Variants in CMC1 observed in about 807,000 individuals in gnomAD.
The protein encoded by CMC1 is C-X9-C motif containing 1, also known as COX assembly mitochondrial protein homolog.
CMC1 carries 14 observed loss-of-function variants against 14.1 expected under a neutral mutation model. The ratio of observed to expected loss-of-function variants is 0.99; its 90% confidence interval spans 0.66 to 1.55. The LOEUF is 1.55. CMC1 is among the 40% of genes most tolerant of loss of function. CMC1 has a pLI of 0.00. For missense variants in CMC1, 127 were observed against 123.8 expected, an observed-to-expected ratio of 1.03 and a Z score of -0.12; for synonymous variants, 50 against 38.4, an observed-to-expected ratio of 1.30 and a Z score of -1.12.
At chr3:28,276,857 A>G (rs1700613404) in intron 2 of CMC1, among the ~76,000 whole-genome samples, 1 of 152,232 alleles carries the variant, frequency 6.6e-6, no homozygotes, top group African/African-American at 2.4e-5. Flanking sequence ...ACCAGTTATT[A>G]ATAGCCCGTT....
At chr3:28,310,209 C>T (rs1702569014) in intron 2 of CMC1, among the ~76,000 whole-genome samples, 1 of 152,184 alleles carries the variant, frequency 6.6e-6, no homozygotes, top group African/African-American at 2.4e-5. Flanking sequence ...ATAGCACCCT[C>T]CCTGCCCAGA....
chr3:28,259,229 C>A (rs1439529959), intron 1 of CMC1, among the ~76,000 whole-genome samples: 6 of 151,844 alleles, frequency 4.0e-5, no homozygotes, highest in African/African-American at 1.5e-4. Context: ...CCTAATGATG[C>A]TATCTTACAT....
intron 1 of CMC1, among the ~76,000 whole-genome samples, chr3:28,246,133 G>T (rs1321764878): frequency 6.6e-6 from 1 of 151,384 alleles, no homozygotes; most frequent in Non-Finnish European, 1.5e-5. Context: ...TATTATTGCC[G>T]CCATATCTCT....
chr3:28,304,933 G>A (rs1415036689), intron 2 of CMC1, among the ~76,000 whole-genome samples: 1 of 152,018 alleles, frequency 6.6e-6, no homozygotes, highest in African/African-American at 2.4e-5. Context: ...TCTTTAAAAT[G>A]TATTTTCTTT....
intron 1 of CMC1, among the ~76,000 whole-genome samples, chr3:28,250,865 T>C (rs1699095287): frequency 6.6e-6 from 1 of 152,242 alleles, no homozygotes; most frequent in Non-Finnish European, 1.5e-5. Context: ...ATAGTTCTAG[T>C]ATTGTTACCA....
At chr3:28,257,087 A>C (rs1699450623) in intron 1 of CMC1, among the ~76,000 whole-genome samples, 2 of 152,198 alleles carry the variant, frequency 1.3e-5, no homozygotes, top group African/African-American at 4.8e-5. Flanking sequence ...TTAGTAACCT[A>C]ATTTCTAATA....
chr3:28,287,727 A>T (rs976144304), intron 2 of CMC1, among the ~76,000 whole-genome samples: 7 of 151,214 alleles, frequency 4.6e-5, no homozygotes, highest in Non-Finnish European at 1.0e-4. Flanking sequence ...GAGCTTTTCT[A>T]TTTTTTTCCT....
intron 2 of CMC1, among the ~76,000 whole-genome samples, chr3:28,289,393 C>T (rs912444465): frequency 6.6e-6 from 1 of 151,752 alleles, no homozygotes; most frequent in Non-Finnish European, 1.5e-5. Context: ...AAAAGATATT[C>T]CAAGTAGGTA....
At chr3:28,306,415 C>T (rs1053324954) in intron 2 of CMC1, among the ~76,000 whole-genome samples, 2 of 151,872 alleles carry the variant, frequency 1.3e-5, no homozygotes, top group African/African-American at 4.8e-5. Flanking sequence ...AGATGTCTAC[C>T]TAGGTATTTG....
chr3:28,285,105 A>C (rs1701104216), intron 2 of CMC1, among the ~76,000 whole-genome samples: 1 of 152,192 alleles, frequency 6.6e-6, no homozygotes, highest in Admixed American at 6.5e-5. Flanking sequence ...AGTACTTAGG[A>C]TGTAATGCTA....
intron 2 of CMC1, among the ~76,000 whole-genome samples, chr3:28,284,503 G>A (rs973993003): frequency 1.3e-5 from 2 of 152,158 alleles, no homozygotes; most frequent in East Asian, 3.9e-4. Context: ...TCTCCACAGA[G>A]AGATAATTGC....
intron 2 of CMC1, among the ~76,000 whole-genome samples, chr3:28,267,020 C>T (rs968739212): frequency 6.6e-6 from 1 of 152,168 alleles, no homozygotes; most frequent in Non-Finnish European, 1.5e-5. Flanking sequence ...CTCCCACCAA[C>T]TGTAATGATG....
At chr3:28,317,209 A>G (rs2125615749) in intron 3 of CMC1, 1 of 152,140 alleles carries the variant, frequency 6.6e-6, no homozygotes, top group East Asian at 1.9e-4. Flanking sequence ...TTTTTTTTAA[A>G]TAAAATATGT....
chr3:28,241,802 C>A lies in CMC1; in HGVS notation c.9C>A (p.Leu3=), dbSNP rs1452608882. 2 of 1,240,208 alleles carry A rather than the reference C, an allele frequency of 1.6e-6. No homozygotes were observed. The highest frequency in any genetic ancestry group is 4.1e-5 in the South Asian group (1 of 24,394). 76.8% of individuals were successfully genotyped at this position (1,240,208 alleles called of 1,614,324 possible). The part of the protein sequence containing the change: MA[L]DPADQHLRHV... ...CTTCTCGGCCCGCCGAGATGGCGCT[C>A]GACCCCGCAGGTACCGGGGCGGGAA... The change falls in exon 1 of 4, where the codon CTC becomes CTA. Residue 3 remains leucine (L), a synonymous_variant. Transcript: ENST00000466830.
chr3:28,307,351 T>A (rs1016068563), intron 2 of CMC1, among the ~76,000 whole-genome samples: 1 of 152,094 alleles, frequency 6.6e-6, no homozygotes, highest in Non-Finnish European at 1.5e-5. Flanking sequence ...TAGCAAGACC[T>A]TGTCTCTAGG....
intron 2 of CMC1, among the ~76,000 whole-genome samples, chr3:28,314,788 T>C (rs1203733772): frequency 6.6e-6 from 1 of 152,126 alleles, no homozygotes; most frequent in Admixed American, 6.5e-5. Context: ...TTTATGCATT[T>C]AATAAATCTC....
chr3:28,267,953 T>C (rs1012654995), intron 2 of CMC1, among the ~76,000 whole-genome samples: 5 of 152,226 alleles, frequency 3.3e-5, no homozygotes, highest in Admixed American at 3.3e-4. Flanking sequence ...ACCACTCTTA[T>C]TACATGTATT....
At chr3:28,308,981 CAA>C (rs750800906) in intron 2 of CMC1, among the ~76,000 whole-genome samples, 748 of 30,330 alleles carry the variant, frequency 0.025, 12 homozygotes, top group African/African-American at 0.046. Context: ...GACTCCGTCT[CAA>C]AAAAAAATAA....
chr3:28,249,940 G>C (rs1046228636), intron 1 of CMC1, among the ~76,000 whole-genome samples: 16 of 152,132 alleles, frequency 1.1e-4, no homozygotes, highest in African/African-American at 3.4e-4. Context: ...GGCAGTGAGC[G>C]GGGAGGGATG....
Sources: allele counts gnomAD v4.1 joint callset (sites outside exome capture counted in the v4.1 genomes callset), GRCh38; gene constraint gnomAD v4.1.1; transcripts MANE v1.5; gene names NCBI Gene and HGNC (gene_info 2026-07-23, HGNC 2026-07-21).